Variants in MEOX2 observed in about 807,000 individuals in gnomAD.
The protein encoded by MEOX2 is homeobox protein MOX-2.
A neutral mutation model predicts 27.0 loss-of-function variants in MEOX2; 11 were observed. The observed-to-expected ratio is 0.41, with a 90% CI of 0.26 to 0.68. The LOEUF is 0.68. MEOX2 is among the 30% of genes least tolerant of loss of function. The pLI is 0.33. For missense variants in MEOX2, 436 were observed against 385.4 expected, an observed-to-expected ratio of 1.13 and a Z score of -1.10; for synonymous variants, 189 against 155.4, an observed-to-expected ratio of 1.22 and a Z score of -1.61.
intron 1 of MEOX2, among the ~76,000 whole-genome samples, chr7:15,678,560 C>T (rs1239141738): frequency 6.6e-6 from 1 of 152,092 alleles, no homozygotes; most frequent in Non-Finnish European, 1.5e-5. Flanking sequence ...AAGAATACAC[C>T]TCAGTTTAGT....
chr7:15,641,499 C>A (rs1426478648), intron 1 of MEOX2, among the ~76,000 whole-genome samples: 1 of 152,010 alleles, frequency 6.6e-6, no homozygotes, highest in Non-Finnish European at 1.5e-5. Context: ...TACTTTGAGC[C>A]TGTGTCATTA....
chr7:15,659,335 A>C (rs1781871727), intron 1 of MEOX2, among the ~76,000 whole-genome samples: 1 of 152,208 alleles, frequency 6.6e-6, no homozygotes. Context: ...ATATGTAAGC[A>C]CAGGAATTAG....
At chr7:15,632,665 A>T (rs2115364783) in intron 1 of MEOX2, among the ~76,000 whole-genome samples, 1 of 152,104 alleles carries the variant, frequency 6.6e-6, no homozygotes, top group South Asian at 2.1e-4. Context: ...TACTTGCGTC[A>T]AATTTGACAC....
chr7:15,633,085 C>A (rs999416987), intron 1 of MEOX2, among the ~76,000 whole-genome samples: 1 of 151,918 alleles, frequency 6.6e-6, no homozygotes, highest in Non-Finnish European at 1.5e-5. Context: ...TCCTTTCTTA[C>A]AATGCTTACC....
chr7:15,672,670 A>G (rs954304048), intron 1 of MEOX2, among the ~76,000 whole-genome samples: 6 of 152,268 alleles, frequency 3.9e-5, no homozygotes, highest in African/African-American at 1.4e-4. Flanking sequence ...AGGTGGGCGG[A>G]TCATGAGGTC....
intron 1 of MEOX2, among the ~76,000 whole-genome samples, chr7:15,660,097 A>G (rs1236930601): frequency 1.3e-5 from 2 of 152,230 alleles, no homozygotes; most frequent in African/African-American, 4.8e-5. Context: ...GGCTTCTAGG[A>G]GGAAGTGACT....
At chr7:15,617,257 T>C (rs1781138557) in intron 2 of MEOX2, among the ~76,000 whole-genome samples, 1 of 152,102 alleles carries the variant, frequency 6.6e-6, no homozygotes, top group Non-Finnish European at 1.5e-5. Context: ...ACTGTTTCCA[T>C]TTTTATCTGG....
At chr7:15,649,833 C>G (rs973922428) in intron 1 of MEOX2, among the ~76,000 whole-genome samples, 1 of 152,030 alleles carries the variant, frequency 6.6e-6, no homozygotes, top group African/African-American at 2.4e-5. Context: ...CACTATGCTG[C>G]TGATAAGCCA....
intron 1 of MEOX2, among the ~76,000 whole-genome samples, chr7:15,631,192 C>G (rs75093970): frequency 9.3e-5 from 14 of 151,024 alleles, no homozygotes; most frequent in Non-Finnish European, 1.8e-4. Context: ...GAATTTCCAT[C>G]GAGTTATAAT....
intron 1 of MEOX2, among the ~76,000 whole-genome samples, chr7:15,663,505 GTA>G (rs1235372501): frequency 3.0e-5 from 2 of 66,338 alleles, no homozygotes; most frequent in Non-Finnish European, 6.7e-5. Context: ...GCTAATTTTT[GTA>G]TTTTTTTTTT....
chr7:15,624,526 G>A (rs1012919791), intron 2 of MEOX2, among the ~76,000 whole-genome samples: 3 of 152,072 alleles, frequency 2.0e-5, no homozygotes, highest in Non-Finnish European at 2.9e-5. Context: ...CTTGCTCACC[G>A]GAGTTTTCCC....
intron 2 of MEOX2, among the ~76,000 whole-genome samples, chr7:15,617,130 A>C (rs1238758868): frequency 6.6e-6 from 1 of 152,036 alleles, no homozygotes; most frequent in African/African-American, 2.4e-5. Context: ...TAACACCATA[A>C]ATGTCTGTGT....
At chr7:15,640,749 T>C (rs1220896113) in intron 1 of MEOX2, among the ~76,000 whole-genome samples, 1 of 152,226 alleles carries the variant, frequency 6.6e-6, no homozygotes, top group East Asian at 1.9e-4. Flanking sequence ...TGCTGGATTT[T>C]AACAAATGCT....
chr7:15,620,923 A>G (rs1224591226), intron 2 of MEOX2, among the ~76,000 whole-genome samples: 2 of 151,914 alleles, frequency 1.3e-5, no homozygotes, highest in East Asian at 1.9e-4. Flanking sequence ...CATTCTGTCT[A>G]TATTTGGCAG....
At position 15,675,105 on chromosome 7, in the gene MEOX2, CA is replaced by C. The variant is rs937916067; in HGVS notation, c.517+10780del. ...TTGGATTAAATGTTAAATTTTTAAA[CA>C]AAAAACAGATACTTCAATTCACAAA... On this transcript the variant is annotated intron_variant, in intron 1 of 2. Transcript: ENST00000262041. Among the ~76,000 whole-genome samples the C allele has an allele frequency of 3.9e-5, 6 of 152,058 alleles. No homozygotes were observed. In the East Asian group the frequency reaches 1.2e-3, roughly 29 times the overall value.
chr7:15,650,791 A>C (rs1781721924), intron 1 of MEOX2, among the ~76,000 whole-genome samples: 1 of 152,112 alleles, frequency 6.6e-6, no homozygotes, highest in African/African-American at 2.4e-5. Flanking sequence ...AAGAGTTGCT[A>C]TTAGCATGGA....
chr7:15,636,278 A>AT (rs1201329294), intron 1 of MEOX2, among the ~76,000 whole-genome samples: 9 of 151,904 alleles, frequency 5.9e-5, no homozygotes, highest in African/African-American at 1.9e-4. Context: ...TCCCTTAGAT[A>AT]TTTTTTCTGA....
At chr7:15,651,382 T>G (rs1391679519) in intron 1 of MEOX2, among the ~76,000 whole-genome samples, 1 of 151,956 alleles carries the variant, frequency 6.6e-6, no homozygotes, top group African/African-American at 2.4e-5. Flanking sequence ...GTCTAAAAAT[T>G]GTAAGAAATT....
chr7:15,680,984 C>T (rs575369674), intron 1 of MEOX2: 10 of 150,928 alleles, frequency 6.6e-5, no homozygotes, highest in African/African-American at 2.4e-4. Flanking sequence ...GGGGGAAATG[C>T]TTATATATCT....
Sources: gnomAD v4.1 joint callset for allele counts (sites outside exome capture counted in the v4.1 genomes callset) on GRCh38, gnomAD v4.1.1 for gene constraint, MANE v1.5 for transcripts, NCBI Gene and HGNC (gene_info 2026-07-23, HGNC 2026-07-21) for gene names.